Variants in CEP164 observed in about 807,000 individuals in gnomAD.
CEP164 encodes centrosomal protein of 164 kDa.
Under a neutral mutation model 182.7 loss-of-function variants are expected in CEP164, and 162 were observed. The observed-to-expected ratio is 0.89, with a 90% CI of 0.78 to 1.01. The LOEUF (loss-of-function observed/expected upper bound fraction) is 1.01, where lower values mean the gene tolerates loss of function less well. CEP164 is among the 50% of genes least tolerant of loss of function. The pLI is 0.00. For missense variants in CEP164, 1,735 were observed against 1,790.4 expected, an observed-to-expected ratio of 0.97 and a Z score of 0.56; for synonymous variants, 661 against 690.0, an observed-to-expected ratio of 0.96 and a Z score of 0.66.
intron 4 of CEP164, 102 bp downstream of exon 4, chr11:117,344,379 C>A: frequency 1.3e-6 from 1 of 758,070 alleles, no homozygotes; most frequent in Non-Finnish European, 2.2e-6. Context: ...CAAGCCTATC[C>A]TGTACAGTCA....
intron 5 of CEP164, chr11:117,355,172 G>C: frequency 7.8e-7 from 1 of 1,289,840 alleles, no homozygotes; most frequent in Non-Finnish European, 1.0e-6. Flanking sequence ...AATCCACCAG[G>C]TCTTTGCTGA....
intron 27 of CEP164, 37 bp downstream of exon 27, chr11:117,397,350 G>C (rs538062100): frequency 9.6e-6 from 15 of 1,565,346 alleles, no homozygotes; most frequent in East Asian, 6.8e-5. Context: ...AGCCCTGTGT[G>C]GGGGAGGCGG....
chr11:117,381,588 G>C, intron 12 of CEP164, 113 bp from the exon 13 acceptor site: 1 of 1,273,962 alleles, frequency 7.8e-7, no homozygotes, highest in Non-Finnish European at 1.1e-6. Flanking sequence ...GGTGGGGCTG[G>C]AGCATAACCC....
In CEP164 at chr11:117,396,587, G is replaced by A. The variant is rs562234273; in HGVS notation, c.3254G>A (p.Ser1085Asn). The part of the protein sequence containing the change: ...TKEVSSSLSQ[S>N]KEDLYLDSLS... ...GAGGTGTCTTCTTCTCTCTCCCAGA[G>A]CAAGGAGGACTTATACTTGGACAGG... The change falls in exon 26 of 33, where the codon AGC becomes AAC. Residue 1085 changes from serine (S) to asparagine (N), a missense_variant. Physicochemically the swap from Ser to Asn is conservative, Grantham distance 46 (BLOSUM62 1). Coordinates refer to ENST00000278935, the MANE Select transcript of CEP164 (RefSeq NM_014956.5). The A allele has an allele frequency of 2.3e-5, 37 of 1,613,820 alleles. No individual in the cohort carries two copies. In the Admixed American group the frequency reaches 6.0e-4, roughly 26 times the overall value.
Position 117,375,697 on chromosome 11 carries a change from A to T in CEP164, c.1234-11A>T, listed in dbSNP as rs1191197080. ...AGGCAGAGTTGACCTTTGCATCTCC[A>T]CTGTCTCCAGGACTTCGGTTTTCGC... On this transcript the variant is annotated splice_polypyrimidine_tract_variant and intron_variant, in intron 10 of 32. Coordinates refer to ENST00000278935, the MANE Select transcript of CEP164 (RefSeq NM_014956.5). 6.2e-7 allele frequency: 1 copy of T among 1,613,594 alleles called. No individual in the cohort carries two copies. The highest frequency in any genetic ancestry group is 1.3e-5 in the African/African-American group (1 of 74,894).
intron 5 of CEP164, chr11:117,359,309 C>A: frequency 1.6e-6 from 1 of 638,826 alleles, no homozygotes; most frequent in Non-Finnish European, 1.9e-6. Context: ...AATGGCAGAG[C>A]CAGTCTCAGG....
chr11:117,404,688 G>A (rs991503870), intron 27 of CEP164, among the ~76,000 whole-genome samples: 1 of 152,226 alleles, frequency 6.6e-6, no homozygotes, highest in African/African-American at 2.4e-5. Context: ...GCTGTGCTGG[G>A]AGATCTGCTG....
intron 5 of CEP164, among the ~76,000 whole-genome samples, chr11:117,358,225 T>TA (rs1307481650): frequency 6.6e-6 from 1 of 152,200 alleles, no homozygotes; most frequent in Non-Finnish European, 1.5e-5. Flanking sequence ...CATAGCCCCA[T>TA]ACTCAGAGTT....
intron 4 of CEP164, among the ~76,000 whole-genome samples, chr11:117,350,283 G>C (rs978823773): frequency 2.0e-5 from 3 of 151,796 alleles, no homozygotes; most frequent in African/African-American, 7.3e-5. Context: ...GCCCACTGTA[G>C]CCTTGAACTC....
chr11:117,355,107 T>G (rs1201275051), intron 5 of CEP164: 1 of 1,289,710 alleles, frequency 7.8e-7, no homozygotes, highest in East Asian at 5.5e-5. Context: ...CCCTGGCGTT[T>G]CATGGGTGCC....
At chr11:117,396,808 G>T (rs2045537265) in intron 26 of CEP164, among the ~76,000 whole-genome samples, 197 bp downstream of exon 26, 1 of 152,186 alleles carries the variant, frequency 6.6e-6, no homozygotes, top group South Asian at 2.1e-4. Flanking sequence ...CCTTTGACAT[G>T]GCATTCTCCT....
At chr11:117,410,096 C>T (rs1310629790) in intron 30 of CEP164, 131 bp downstream of exon 30, 1 of 869,714 alleles carries the variant, frequency 1.1e-6, no homozygotes, top group Non-Finnish European at 1.9e-6. Context: ...CACCTCTCCT[C>T]CCCCAACGTT....
At chr11:117,356,850 C>G (rs372811578) in intron 5 of CEP164, among the ~76,000 whole-genome samples, 1 of 152,204 alleles carries the variant, frequency 6.6e-6, no homozygotes, top group African/African-American at 2.4e-5. Flanking sequence ...TTTCCCTTCC[C>G]TGGCTGTAAT....
intron 12 of CEP164, among the ~76,000 whole-genome samples, chr11:117,381,400 G>A (rs1050535211): frequency 2.6e-5 from 4 of 152,092 alleles, no homozygotes; most frequent in Admixed American, 2.6e-4. Flanking sequence ...GTGAGCTCTG[G>A]GGATGGGTAT....
At chr11:117,345,814 A>G (rs1225590917) in intron 4 of CEP164, among the ~76,000 whole-genome samples, 1 of 151,912 alleles carries the variant, frequency 6.6e-6, no homozygotes. Flanking sequence ...CAGCCTCCCA[A>G]GTAGCTGGGA....
upstream of CEP164, among the ~76,000 whole-genome samples, chr11:117,327,305 T>A (rs185290639): frequency 6.6e-6 from 1 of 152,278 alleles, no homozygotes; most frequent in East Asian, 1.9e-4. Flanking sequence ...TAACAATGGG[T>A]TGATTATTGA....
upstream of CEP164, among the ~76,000 whole-genome samples, chr11:117,324,838 C>A (rs1378779201): frequency 6.6e-6 from 1 of 152,148 alleles, no homozygotes; most frequent in East Asian, 1.9e-4. Flanking sequence ...CCTGTCTCTA[C>A]TAAAAATACA....
chr11:117,325,944 C>T (rs998770969), upstream of CEP164, among the ~76,000 whole-genome samples: 2 of 128,986 alleles, frequency 1.6e-5, no homozygotes, highest in Non-Finnish European at 3.1e-5. Flanking sequence ...GAGTGTCGCT[C>T]TTGTTGCCCA....
intron 3 of CEP164, among the ~76,000 whole-genome samples, chr11:117,339,607 C>T (rs1237901090): frequency 1.5e-5 from 2 of 132,802 alleles, no homozygotes; most frequent in Non-Finnish European, 3.1e-5. Flanking sequence ...TGGCTCACTG[C>T]AACCTCTCTC....
Sources: allele counts gnomAD v4.1 joint callset (sites outside exome capture counted in the v4.1 genomes callset), GRCh38; gene constraint gnomAD v4.1.1; transcripts MANE v1.5; gene names NCBI Gene and HGNC (gene_info 2026-07-23, HGNC 2026-07-21).